SHANK2: variants seen among roughly 807,000 people sequenced by gnomAD.
SHANK2 encodes SH3 and multiple ankyrin repeat domains protein 2.
Under a neutral mutation model 133.7 loss-of-function variants are expected in SHANK2, and 43 were observed. The observed-to-expected ratio is 0.32, with a 90% CI of 0.25 to 0.41. The LOEUF (loss-of-function observed/expected upper bound fraction) is 0.41, where lower values mean the gene tolerates loss of function less well. SHANK2 is among the 10% of genes least tolerant of loss of function. The pLI is 1.00. For missense variants in SHANK2, 1,994 were observed against 2,235.8 expected (o/e 0.89, Z 2.18); for synonymous variants, 1,017 against 952.8 (o/e 1.07, Z -1.24).
chr11:70,841,420 C>T (rs1179009371), intron 11 of SHANK2, among the ~76,000 whole-genome samples: 4 of 152,234 alleles, frequency 2.6e-5, no homozygotes, highest in Non-Finnish European at 4.4e-5. Flanking sequence ...CCCCATTACA[C>T]AGCAGAGGAG....
At chr11:71,138,456 C>A (rs367597833) in intron 3 of SHANK2, among the ~76,000 whole-genome samples, 1 of 152,192 alleles carries the variant, frequency 6.6e-6, no homozygotes, top group African/African-American at 2.4e-5. Context: ...GGAGGTGAAA[C>A]CTCCTTACTT....
intron 11 of SHANK2, among the ~76,000 whole-genome samples, chr11:70,820,983 C>T (rs11237600): frequency 0.15 from 23,278 of 152,118 alleles, 2,330 homozygotes; most frequent in Non-Finnish European, 0.21. Flanking sequence ...GGGAGACGTC[C>T]GGCTGGCTTG....
chr11:71,120,502 G>A (rs1399189249), intron 3 of SHANK2, among the ~76,000 whole-genome samples: 4 of 151,530 alleles, frequency 2.6e-5, no homozygotes, highest in East Asian at 1.9e-4. Context: ...ATCCTGGGAC[G>A]GCCAACAGGA....
intron 17 of SHANK2, among the ~76,000 whole-genome samples, chr11:70,564,916 G>A (rs1486289161): frequency 2.0e-5 from 3 of 152,214 alleles, no homozygotes; most frequent in African/African-American, 7.2e-5. Context: ...GGACATTCCA[G>A]TGGGCTTTCA....
intron 11 of SHANK2, among the ~76,000 whole-genome samples, chr11:70,854,803 A>G (rs1949142435): frequency 6.6e-6 from 1 of 152,222 alleles, no homozygotes; most frequent in Non-Finnish European, 1.5e-5. Context: ...GGGTGTGAGT[A>G]CACTGCCCCA....
intron 17 of SHANK2, among the ~76,000 whole-genome samples, chr11:70,578,968 G>A (rs1377298955): frequency 1.3e-5 from 2 of 152,122 alleles, no homozygotes; most frequent in Admixed American, 6.5e-5. Flanking sequence ...CCAGCCGGGC[G>A]ACCCCATCCA....
At chr11:70,594,408 T>C (rs181154360) in intron 17 of SHANK2, among the ~76,000 whole-genome samples, 1 of 152,230 alleles carries the variant, frequency 6.6e-6, no homozygotes, top group Admixed American at 6.5e-5. Context: ...AACCCACGTA[T>C]ATGAAAAGCC....
chr11:71,204,584 C>T (rs555215771), intron 2 of SHANK2, among the ~76,000 whole-genome samples: 4 of 152,308 alleles, frequency 2.6e-5, no homozygotes, highest in African/African-American at 4.8e-5. Flanking sequence ...GACACCTGGA[C>T]GCCTGTACCC....
chr11:70,751,806 GGAAAAGCTACATATGTGTATT>G (rs1178078276), intron 14 of SHANK2, among the ~76,000 whole-genome samples: 3 of 151,866 alleles, frequency 2.0e-5, no homozygotes, highest in African/African-American at 7.3e-5. Context: ...AAGTAAACTG[GGAAAAGCTACATATGTGTATT>G]GAAATCACAG....
At chr11:70,899,421 C>G (rs10899645) in intron 10 of SHANK2, among the ~76,000 whole-genome samples, 95,990 of 152,140 alleles carry the variant, frequency 0.63, 35,182 homozygotes, top group Non-Finnish European at 0.79. Context: ...ATCGATTAAA[C>G]CTCTTTTCTT....
intron 9 of SHANK2, among the ~76,000 whole-genome samples, chr11:71,063,710 T>C (rs1331930821): frequency 2.6e-5 from 4 of 152,198 alleles, no homozygotes; most frequent in African/African-American, 9.6e-5. Flanking sequence ...TGACAGGTCT[T>C]TATCCTTTTA....
At chr11:70,863,669 T>G in intron 11 of SHANK2, 1 of 421,916 alleles carries the variant, frequency 2.4e-6, no homozygotes, top group Admixed American at 2.5e-5. Context: ...CATCCTGGGC[T>G]GGGGGTATGG....
At chr11:70,598,465 C>T in intron 17 of SHANK2, among the ~76,000 whole-genome samples, 1 of 152,180 alleles carries the variant, frequency 6.6e-6, no homozygotes, top group Non-Finnish European at 1.5e-5. Flanking sequence ...ACATGAGGCC[C>T]AGATGGCTTT....
At chr11:70,621,908 A>G (rs2060834290) in intron 17 of SHANK2, among the ~76,000 whole-genome samples, 1 of 152,126 alleles carries the variant, frequency 6.6e-6, no homozygotes, top group African/African-American at 2.4e-5. Context: ...GCACACCCCC[A>G]GGCCTGGCCA....
At chr11:70,833,185 C>T (rs1167169443) in intron 11 of SHANK2, among the ~76,000 whole-genome samples, 1 of 152,262 alleles carries the variant, frequency 6.6e-6, no homozygotes, top group African/African-American at 2.4e-5. Flanking sequence ...GCACGGGGCT[C>T]CAGCACAATG....
chr11:71,084,110 C>T (rs936702998), intron 8 of SHANK2, among the ~76,000 whole-genome samples: 1 of 151,978 alleles, frequency 6.6e-6, no homozygotes, highest in Non-Finnish European at 1.5e-5. Flanking sequence ...GCTGGGTCTA[C>T]AGGCACCAGC....
At chr11:70,648,291 T>C (rs1370753694) in intron 17 of SHANK2, among the ~76,000 whole-genome samples, 1 of 152,022 alleles carries the variant, frequency 6.6e-6, no homozygotes, top group African/African-American at 2.4e-5. Flanking sequence ...AATTTTATGG[T>C]CTGTGTATTT....
At position 70,764,097 on chromosome 11, in the gene SHANK2, TCCACCCACCCAC is replaced by T. The variant is rs1305695631; in HGVS notation, c.1777+34334_1777+34345del. ...ATCCATCCATCCATCCATCCATCCA[TCCACCCACCCAC>T]CCACCCACCCACACATCAAGCCTTC... On this transcript the variant is annotated intron_variant, in intron 14 of 25. Coordinates refer to ENST00000601538, the MANE Select transcript of SHANK2 (RefSeq NM_012309.5). Among the ~76,000 whole-genome samples, 138 of 138,964 alleles carry T rather than the reference TCCACCCACCCAC, an allele frequency of 9.9e-4. 1 individual carries two copies. Among genetic ancestry groups the T allele is most frequent in the African/African-American group, 3.3e-3 (123 of 37,080 alleles). The allele number at this position is 138,964 out of a possible 152,430, so 91.2% of individuals were successfully genotyped here. A position where few individuals can be genotyped will look rare whatever the true frequency, so the allele number is the denominator to read the frequency against.
At chr11:71,068,668 T>C (rs991055746) in intron 9 of SHANK2, among the ~76,000 whole-genome samples, 77 of 152,366 alleles carry the variant, frequency 5.1e-4, no homozygotes, top group Admixed American at 9.8e-4. Flanking sequence ...CTGAAGATTC[T>C]TCAGCATCAC....
Sources: gnomAD v4.1 joint callset for allele counts (sites outside exome capture counted in the v4.1 genomes callset) on GRCh38, gnomAD v4.1.1 for gene constraint, MANE v1.5 for transcripts, NCBI Gene and HGNC (gene_info 2026-07-23, HGNC 2026-07-21) for gene names.